The following PTPRD variants were observed in gnomAD, a reference collection of about 807,000 sequenced individuals.
The protein encoded by PTPRD is receptor-type tyrosine-protein phosphatase delta.
PTPRD carries 34 observed loss-of-function variants against 214.5 expected under a neutral mutation model. The observed-to-expected ratio is 0.16, with a 90% CI of 0.12 to 0.21. PTPRD has a LOEUF of 0.21. Ranked by LOEUF, PTPRD falls within the 10% of genes least tolerant of loss-of-function variation. The pLI is 1.00. For missense variants in PTPRD, 2,545 were observed against 2,398.7 expected, an observed-to-expected ratio of 1.06 and a Z score of -1.27; for synonymous variants, 1,128 against 845.7, an observed-to-expected ratio of 1.33 and a Z score of -5.79.
At chr9:9,048,897 G>A (rs955288006) in intron 10 of PTPRD, among the ~76,000 whole-genome samples, 2 of 152,068 alleles carry the variant, frequency 1.3e-5, no homozygotes, top group Non-Finnish European at 2.9e-5. Context: ...CACATTGCAT[G>A]TCTGTATCAA....
At chr9:8,634,996 G>A (rs1292730571) in intron 13 of PTPRD, among the ~76,000 whole-genome samples, 1 of 150,146 alleles carries the variant, frequency 6.7e-6, no homozygotes. Flanking sequence ...CAGTCAACAT[G>A]TACTGCTCTC....
chr9:10,266,078 C>T (rs1318227487), intron 3 of PTPRD, among the ~76,000 whole-genome samples: 1 of 151,720 alleles, frequency 6.6e-6, no homozygotes, highest in African/African-American at 2.4e-5. Context: ...TTTTCATGGC[C>T]CTATGGAGAC....
At chr9:8,984,066 A>G (rs908034761) in intron 11 of PTPRD, among the ~76,000 whole-genome samples, 8 of 152,108 alleles carry the variant, frequency 5.3e-5, no homozygotes, top group African/African-American at 1.9e-4. Flanking sequence ...TTTTCTACTT[A>G]ATATAGAACA....
At chr9:9,305,438 G>C (rs971187387) in intron 9 of PTPRD, among the ~76,000 whole-genome samples, 6 of 152,002 alleles carry the variant, frequency 3.9e-5, no homozygotes, top group African/African-American at 1.2e-4. Flanking sequence ...ATGTTATTAA[G>C]GTAACCTATC....
chr9:9,403,566 G>A (rs1191959863), intron 8 of PTPRD, among the ~76,000 whole-genome samples: 1 of 151,740 alleles, frequency 6.6e-6, no homozygotes, highest in African/African-American at 2.4e-5. Flanking sequence ...CTCTTACATT[G>A]TAAAAAATAT....
chr9:10,452,181 T>A (rs2098845990), intron 2 of PTPRD, among the ~76,000 whole-genome samples: 1 of 151,968 alleles, frequency 6.6e-6, no homozygotes. Flanking sequence ...CTTTGTACTT[T>A]ATTGTGTATA....
Position 9,864,329 on chromosome 9 carries a change from T to TA in PTPRD, c.-368+74177dup, listed in dbSNP as rs200587462. On this transcript the variant is annotated intron_variant, in intron 5 of 45. Transcript: ENST00000381196. The stretch of plus-strand genomic sequence containing the variant: ...TTAAGAAAAAGAAAAAGAGAAAGAT[T>TA]AAAAAAAAAAAAAGTTTTGTGGGAT... Among the ~76,000 whole-genome samples the TA allele has an allele frequency of 1.2e-3, 156 of 135,148 alleles. 1 individual carries two copies. Among genetic ancestry groups the TA allele is most frequent in the East Asian group, 1.6e-3 (8 of 4,872 alleles). 88.7% of individuals were successfully genotyped at this position (135,148 alleles called of 152,430 possible). A position where few individuals can be genotyped will look rare whatever the true frequency, so the allele number is the denominator to read the frequency against.
chr9:9,693,925 C>A (rs1374490210), intron 7 of PTPRD, among the ~76,000 whole-genome samples: 11 of 152,292 alleles, frequency 7.2e-5, no homozygotes, highest in African/African-American at 2.6e-4. Flanking sequence ...TATTTTCACT[C>A]TATAATTTCT....
At chr9:8,561,332 G>A in intron 14 of PTPRD, among the ~76,000 whole-genome samples, 1 of 152,110 alleles carries the variant, frequency 6.6e-6, no homozygotes, top group East Asian at 1.9e-4. Context: ...GAAGGGGTGA[G>A]GAATCCTCCC....
intron 11 of PTPRD, among the ~76,000 whole-genome samples, chr9:8,801,125 G>C (rs1213688384): frequency 6.6e-6 from 1 of 152,108 alleles, no homozygotes; most frequent in African/African-American, 2.4e-5. Flanking sequence ...TCTCTTGCTG[G>C]AGTCACAAGA....
intron 7 of PTPRD, among the ~76,000 whole-genome samples, chr9:9,729,209 A>G (rs2098142508): frequency 6.6e-6 from 1 of 152,150 alleles, no homozygotes; most frequent in African/African-American, 2.4e-5. Context: ...TCTGTTGTTC[A>G]GATAAGTTAG....
intron 2 of PTPRD, among the ~76,000 whole-genome samples, chr9:10,418,167 T>G (rs921230120): frequency 4.6e-5 from 7 of 151,804 alleles, no homozygotes; most frequent in Non-Finnish European, 8.8e-5. Context: ...ATGGTATAAT[T>G]ATAAACCTTT....
At chr9:10,212,106 C>A (rs1050040087) in intron 3 of PTPRD, among the ~76,000 whole-genome samples, 2 of 152,072 alleles carry the variant, frequency 1.3e-5, no homozygotes, top group African/African-American at 4.8e-5. Flanking sequence ...AGACATTGTT[C>A]AATTTACACT....
chr9:8,583,890 G>A (rs1206156343), intron 14 of PTPRD, among the ~76,000 whole-genome samples: 1 of 152,192 alleles, frequency 6.6e-6, no homozygotes, highest in African/African-American at 2.4e-5. Flanking sequence ...AGTGGCTCAT[G>A]CCTGTAATCT....
chr9:8,380,289 C>G (rs1256632223), intron 37 of PTPRD, among the ~76,000 whole-genome samples: 1 of 152,124 alleles, frequency 6.6e-6, no homozygotes, highest in Non-Finnish European at 1.5e-5. Flanking sequence ...GTTTCTAAAC[C>G]TCCTTGTTCT....
Position 8,317,001 on chromosome 9 carries a change from T to G in PTPRD, c.*873A>C, listed in dbSNP as rs1003667294. The G allele has an allele frequency of 4.3e-6, 1 of 231,734 alleles. No homozygotes were observed. Among genetic ancestry groups the G allele is most frequent in the Non-Finnish European group, 8.6e-6 (1 of 116,826 alleles). The allele number at this position is 231,734 out of a possible 1,614,324, so 14.4% of individuals were successfully genotyped here. A position where few individuals can be genotyped will look rare whatever the true frequency, so the allele number is the denominator to read the frequency against. On this transcript the variant is annotated 3_prime_UTR_variant, in exon 46 of 46. Transcript: ENST00000381196. ...TATGTATATATGTTAGCAGCAACTT[T>G]ATACTTTGCGCCTCCCTGTTGATTC...
At chr9:9,357,929 T>C (rs1013675459) in intron 9 of PTPRD, among the ~76,000 whole-genome samples, 4 of 151,334 alleles carry the variant, frequency 2.6e-5, no homozygotes, top group African/African-American at 9.7e-5. Context: ...TACATTTCTA[T>C]TCTGTAATGC....
At chr9:9,432,047 TATA>T (rs373767588) in intron 8 of PTPRD, among the ~76,000 whole-genome samples, 52,740 of 138,066 alleles carry the variant, frequency 0.38, 10,038 homozygotes, top group Non-Finnish European at 0.4. Context: ...GAACTTAAAG[TATA>T]ATAATAATAA....
intron 11 of PTPRD, among the ~76,000 whole-genome samples, chr9:8,791,030 T>G (rs1390773705): frequency 6.6e-6 from 1 of 152,114 alleles, no homozygotes. Context: ...CACACCATAT[T>G]TGAAGCTGGT....
Sources: gnomAD v4.1 joint callset for allele counts (sites outside exome capture counted in the v4.1 genomes callset) on GRCh38, gnomAD v4.1.1 for gene constraint, MANE v1.5 for transcripts, NCBI Gene and HGNC (gene_info 2026-07-23, HGNC 2026-07-21) for gene names.